Variants in MPPED1 observed in about 807,000 individuals in gnomAD.
MPPED1 encodes the protein metallophosphoesterase domain containing 1.
MPPED1 carries 16 observed loss-of-function variants against 36.2 expected under a neutral mutation model. That is an observed-to-expected ratio of 0.44 (90% CI 0.30 to 0.67). The LOEUF is 0.67. MPPED1 is among the 30% of genes least tolerant of loss of function. MPPED1 has a pLI of 0.10. For synonymous variants in MPPED1, 199 were observed against 191.3 expected (o/e 1.04, Z -0.33); for missense variants, 307 against 453.4 (o/e 0.68, Z 2.93).
At chr22:43,413,632 T>C (rs1346723895) in intron 1 of MPPED1, among the ~76,000 whole-genome samples, 1 of 152,230 alleles carries the variant, frequency 6.6e-6, no homozygotes, top group African/African-American at 2.4e-5. Context: ...GGGCCCTCTG[T>C]GTGGGAACCA....
chr22:43,471,047 G>A (rs550297321), intron 3 of MPPED1, among the ~76,000 whole-genome samples: 1 of 152,344 alleles, frequency 6.6e-6, no homozygotes, highest in South Asian at 2.1e-4. Context: ...GAGGGAAAAA[G>A]CCTCAGTCAT....
chr22:43,474,432 G>T lies in MPPED1; in HGVS notation c.407-304G>T, dbSNP rs1475604232. On this transcript the variant is annotated intron_variant, in intron 3 of 6. Transcript: ENST00000443721. The surrounding 1 kb of genome is among the most constrained non-coding windows in gnomAD (Gnocchi z 5.2). The stretch of plus-strand genomic sequence containing the variant: ...CTCCTTTGATCTGATGAAGACACCT[G>T]TTGGGGGCCTGGCAGCAGGTACCCC... Among the ~76,000 whole-genome samples the T allele has an allele frequency of 1.3e-5, 2 of 152,250 alleles. No individual in the cohort carries two copies. Among genetic ancestry groups the T allele is most frequent in the Non-Finnish European group, 2.9e-5 (2 of 68,044 alleles).
intron 4 of MPPED1, among the ~76,000 whole-genome samples, chr22:43,477,643 T>TG (rs1931618481): frequency 6.6e-6 from 1 of 152,108 alleles, no homozygotes; most frequent in South Asian, 2.1e-4. Flanking sequence ...GAGGGGAAGA[T>TG]GGGGAGGTGC....
chr22:43,455,585 A>G (rs11704091), intron 3 of MPPED1, among the ~76,000 whole-genome samples: 43,878 of 152,064 alleles, frequency 0.29, 7,747 homozygotes, highest in East Asian at 0.54. Flanking sequence ...TTTTTAGCCT[A>G]TAACAGGTGA....
chr22:43,469,302 G>A (rs1015458364), intron 3 of MPPED1, among the ~76,000 whole-genome samples: 5 of 152,160 alleles, frequency 3.3e-5, no homozygotes, highest in Non-Finnish European at 5.9e-5. Context: ...AGGCAGAAGA[G>A]TTTGTATTCA....
At chr22:43,432,102 G>A (rs1601952685) in intron 2 of MPPED1, among the ~76,000 whole-genome samples, 2 of 152,234 alleles carry the variant, frequency 1.3e-5, no homozygotes, top group South Asian at 2.1e-4. Context: ...CTAGCAGCTC[G>A]GGGGTGGCAT....
intron 4 of MPPED1, among the ~76,000 whole-genome samples, chr22:43,496,032 A>T (rs1264776500): frequency 6.9e-4 from 17 of 24,624 alleles, no homozygotes; most frequent in Admixed American, 1.7e-3. Flanking sequence ...GTGATGGTGG[A>T]GGTGGTGGTG....
At chr22:43,479,332 A>T (rs1202233354) in intron 4 of MPPED1, among the ~76,000 whole-genome samples, 5 of 152,236 alleles carry the variant, frequency 3.3e-5, no homozygotes, top group Admixed American at 2.6e-4. Context: ...GGGAGCAGGG[A>T]TGAAACAAAC....
At chr22:43,475,565 ATGATGGTTG>A (rs1931531005) in intron 4 of MPPED1, among the ~76,000 whole-genome samples, 1 of 115,264 alleles carries the variant, frequency 8.7e-6, no homozygotes, top group African/African-American at 4.7e-5. Context: ...GGTGGTGATG[ATGATGGTTG>A]TGGTGGTGGT....
At chr22:43,412,962 C>T (rs1314316421) in intron 1 of MPPED1, among the ~76,000 whole-genome samples, 2 of 152,186 alleles carry the variant, frequency 1.3e-5, no homozygotes, top group Non-Finnish European at 2.9e-5. Context: ...CCCGGCCTGG[C>T]CTTCGGAACT....
intron 3 of MPPED1, among the ~76,000 whole-genome samples, chr22:43,448,928 C>A (rs135046): frequency 0.73 from 111,236 of 152,022 alleles, 46,687 homozygotes; most frequent in East Asian, 0.97. Flanking sequence ...GCTAAGGAGA[C>A]CTTTTGTATA....
chr22:43,424,059 G>T (rs1476766558), intron 1 of MPPED1, among the ~76,000 whole-genome samples: 1 of 152,212 alleles, frequency 6.6e-6, no homozygotes, highest in Non-Finnish European at 1.5e-5. Context: ...GGTGGGGTCG[G>T]TTGGAGGGAT....
intron 3 of MPPED1, among the ~76,000 whole-genome samples, chr22:43,472,327 G>A (rs1931403302): frequency 6.6e-6 from 1 of 152,174 alleles, no homozygotes; most frequent in African/African-American, 2.4e-5. Flanking sequence ...GCCCAGGGAA[G>A]CTCTTTGGTT....
In MPPED1 at chr22:43,425,042, C is replaced by T; in HGVS notation, c.57C>T (p.Leu19=). The part of the protein sequence containing the change: ...SVLKAEALAL[L]PCGLGMAFSQ... ...TGAAGGCGGAGGCCCTGGCCCTCCT[C>T]CCCTGCGGCCTGGGCATGGCATTCT... is the stretch of plus-strand genomic sequence containing the variant. The change falls in exon 2 of 7, where the codon CTC becomes CTT. Residue 19 remains leucine (L), a synonymous_variant. Coordinates refer to ENST00000443721, the MANE Select transcript of MPPED1 (RefSeq NM_001044370.2). 1 of 1,612,304 alleles carries T rather than the reference C, an allele frequency of 6.2e-7. No individual in the cohort carries two copies. The highest frequency in any genetic ancestry group is 1.1e-5 in the South Asian group (1 of 90,810).
chr22:43,458,575 C>T (rs541930367), intron 3 of MPPED1, among the ~76,000 whole-genome samples: 41 of 152,276 alleles, frequency 2.7e-4, no homozygotes, highest in East Asian at 2.1e-3. Flanking sequence ...TGAACCACCG[C>T]GCCTGGCCTG....
At chr22:43,473,678 C>G (rs1931450198) in intron 3 of MPPED1, among the ~76,000 whole-genome samples, 1 of 152,188 alleles carries the variant, frequency 6.6e-6, no homozygotes, top group African/African-American at 2.4e-5. Flanking sequence ...GGGCCCAAGC[C>G]TGGGGTCAGG....
chr22:43,487,188 C>T (rs1931939624), intron 4 of MPPED1, among the ~76,000 whole-genome samples: 1 of 152,104 alleles, frequency 6.6e-6, no homozygotes, highest in Admixed American at 6.5e-5. Flanking sequence ...AGAGGGGACA[C>T]CTGTGCTGGG....
chr22:43,422,025 T>A (rs1601945207), intron 1 of MPPED1, among the ~76,000 whole-genome samples: 1 of 152,024 alleles, frequency 6.6e-6, no homozygotes. Context: ...ACACATGGGG[T>A]GCACAAGGGG....
chr22:43,465,613 C>T (rs1931140513), intron 3 of MPPED1, among the ~76,000 whole-genome samples: 1 of 152,202 alleles, frequency 6.6e-6, no homozygotes, highest in Admixed American at 6.5e-5. Flanking sequence ...CTGTGAGAAG[C>T]ACGTCCCTGG....
Sources: allele counts gnomAD v4.1 joint callset (sites outside exome capture counted in the v4.1 genomes callset), GRCh38; gene constraint gnomAD v4.1.1; non-coding constraint Gnocchi (gnomAD v3.1); transcripts MANE v1.5; gene names NCBI Gene and HGNC (gene_info 2026-07-23, HGNC 2026-07-21).